MDGA2: variants seen among roughly 807,000 people sequenced by gnomAD.
The protein encoded by MDGA2 is MAM domain containing glycosylphosphatidylinositol anchor 2.
MDGA2 carries 40 observed loss-of-function variants against 117.8 expected under a neutral mutation model. The observed-to-expected ratio is 0.34, with a 90% CI of 0.26 to 0.44. The LOEUF is 0.44. MDGA2 is among the 20% of genes least tolerant of loss of function. The pLI, the probability that MDGA2 is intolerant of heterozygous loss-of-function variation, is 1.00. For synonymous variants in MDGA2, 452 were observed against 439.0 expected, an observed-to-expected ratio of 1.03 and a Z score of -0.37; for missense variants, 1,123 against 1,250.6, an observed-to-expected ratio of 0.90 and a Z score of 1.54.
chr14:47,037,766 A>T (rs1172432271), intron 7 of MDGA2, among the ~76,000 whole-genome samples: 3 of 152,214 alleles, frequency 2.0e-5, no homozygotes, highest in Non-Finnish European at 1.5e-5. Flanking sequence ...CAACCTCAAA[A>T]TAAATATCCA....
chr14:47,511,145 G>C (rs187631239), intron 1 of MDGA2, among the ~76,000 whole-genome samples: 1 of 152,038 alleles, frequency 6.6e-6, no homozygotes, highest in African/African-American at 2.4e-5. Context: ...TCAGATCTTG[G>C]GACAGTACCT....
At chr14:47,651,536 C>T (rs373884785) in intron 1 of MDGA2, among the ~76,000 whole-genome samples, 2 of 151,864 alleles carry the variant, frequency 1.3e-5, no homozygotes, top group East Asian at 1.9e-4. Flanking sequence ...AATGAGAAAC[C>T]ACTGAATGGC....
Position 47,412,620 on chromosome 14 carries a change from G to T in MDGA2, c.281-111070C>A, listed in dbSNP as rs531193834. Among the ~76,000 whole-genome samples the T allele has an allele frequency of 1.2e-4, 18 of 152,322 alleles. 1 individual carries two copies. The highest frequency in any genetic ancestry group is 4.3e-4 in the African/African-American group (18 of 41,580). On this transcript the variant is annotated intron_variant, in intron 1 of 16. Coordinates refer to ENST00000399232, the MANE Select transcript of MDGA2 (RefSeq NM_001113498.3). Reference sequence around the variant, plus strand: ...GTTGCAAAAATACTTTTGAAATGTTGTAGATTACAGATAATGTATAAATTC... The same window carrying T: ...GTTGCAAAAATACTTTTGAAATGTTTTAGATTACAGATAATGTATAAATTC...
chr14:47,144,815 A>ATTTT lies in MDGA2; in HGVS notation c.596-545_596-542dup, dbSNP rs60842690. Among the ~76,000 whole-genome samples the ATTTT allele has an allele frequency of 3.4e-4, 45 of 130,436 alleles. 2 individuals are homozygous for ATTTT. The highest frequency in any genetic ancestry group is 2.0e-3 in the East Asian group (9 of 4,438). 85.6% of individuals were successfully genotyped at this position (130,436 alleles called of 152,430 possible). A position where few individuals can be genotyped will look rare whatever the true frequency, so the allele number is the denominator to read the frequency against. ...AGGCATGTGCTACCATGCCCGGCTA[A>ATTTT]TTTTTTTTTTTTTTTGTACAGACAG... is the stretch of plus-strand genomic sequence containing the variant. On this transcript the variant is annotated intron_variant, in intron 3 of 16. Transcript: ENST00000399232.
chr14:47,163,522 C>T (rs752284563), intron 3 of MDGA2, among the ~76,000 whole-genome samples: 1 of 152,042 alleles, frequency 6.6e-6, no homozygotes, highest in Non-Finnish European at 1.5e-5. Flanking sequence ...CTCTTTTTGC[C>T]TGCCGCCATC....
chr14:47,543,671 G>A (rs975457391), intron 1 of MDGA2, among the ~76,000 whole-genome samples: 2 of 152,186 alleles, frequency 1.3e-5, no homozygotes, highest in Non-Finnish European at 2.9e-5. Flanking sequence ...GTTCACTCAT[G>A]CACCCTGCTA....
chr14:47,549,480 T>G (rs1023726961), intron 1 of MDGA2, among the ~76,000 whole-genome samples: 1 of 152,098 alleles, frequency 6.6e-6, no homozygotes, highest in Non-Finnish European at 1.5e-5. Flanking sequence ...TTCATCATTC[T>G]TTACTATCAG....
intron 5 of MDGA2, among the ~76,000 whole-genome samples, chr14:47,105,032 C>T (rs1032389766): frequency 8.5e-5 from 13 of 152,122 alleles, no homozygotes; most frequent in African/African-American, 3.1e-4. Context: ...GGCAGCCTTC[C>T]CTTGGTGTTT....
At chr14:46,993,831 T>G (rs1887185956) in intron 8 of MDGA2, among the ~76,000 whole-genome samples, 1 of 152,298 alleles carries the variant, frequency 6.6e-6, no homozygotes, top group African/African-American at 2.4e-5. Context: ...TTTATAAAAC[T>G]ATGTAGTATA....
intron 8 of MDGA2, among the ~76,000 whole-genome samples, chr14:46,992,875 T>C (rs1887143863): frequency 6.6e-6 from 1 of 152,190 alleles, no homozygotes; most frequent in African/African-American, 2.4e-5. Flanking sequence ...AGTTGATTAA[T>C]AGCATAGCAA....
At chr14:47,063,742 T>A (rs1889978934) in intron 6 of MDGA2, among the ~76,000 whole-genome samples, 1 of 151,870 alleles carries the variant, frequency 6.6e-6, no homozygotes, top group Admixed American at 6.6e-5. Context: ...AGTTTTATTA[T>A]TGCATATAAT....
At chr14:47,448,595 T>G (rs1447948979) in intron 1 of MDGA2, among the ~76,000 whole-genome samples, 6 of 152,176 alleles carry the variant, frequency 3.9e-5, no homozygotes, top group Middle Eastern at 3.2e-3. Flanking sequence ...TGGTGTACCC[T>G]AAGTTAGCAG....
chr14:47,176,133 G>C lies in MDGA2; in HGVS notation c.596-31859C>G, dbSNP rs565807858. On this transcript the variant is annotated intron_variant, in intron 3 of 16. Coordinates refer to ENST00000399232, the MANE Select transcript of MDGA2 (RefSeq NM_001113498.3). ...TCTTCAAAGAGAACTACAAACCACT[G>C]CTCAAGGAAATAAAAGAGGATACAA... Among the ~76,000 whole-genome samples the C allele has an allele frequency of 1.1e-4, 16 of 152,212 alleles. No individual in the cohort carries two copies. The South Asian group carries it at 3.3e-3, about 32-fold the overall frequency.
At chr14:47,199,376 G>A (rs1594716641) in intron 3 of MDGA2, among the ~76,000 whole-genome samples, 1 of 152,106 alleles carries the variant, frequency 6.6e-6, no homozygotes, top group East Asian at 1.9e-4. Context: ...AAATCATTAT[G>A]ACAAAGTAAG....
At chr14:47,470,678 G>A (rs747025418) in intron 1 of MDGA2, among the ~76,000 whole-genome samples, 2 of 152,082 alleles carry the variant, frequency 1.3e-5, no homozygotes, top group Non-Finnish European at 2.9e-5. Context: ...CTAGATCCTT[G>A]AGGAATAGCC....
At chr14:47,476,783 A>C (rs1395309414) in intron 1 of MDGA2, among the ~76,000 whole-genome samples, 1 of 152,242 alleles carries the variant, frequency 6.6e-6, no homozygotes, top group African/African-American at 2.4e-5. Flanking sequence ...ACTTTTGTAC[A>C]CAGTCAAATC....
intron 8 of MDGA2, among the ~76,000 whole-genome samples, chr14:46,967,169 T>C (rs1402404556): frequency 2.6e-5 from 4 of 152,306 alleles, no homozygotes; most frequent in Non-Finnish European, 4.4e-5. Context: ...TAAATATGCA[T>C]GGGCTGTCTT....
intron 5 of MDGA2, among the ~76,000 whole-genome samples, chr14:47,125,279 A>G (rs1236517658): frequency 1.3e-5 from 2 of 152,070 alleles, no homozygotes; most frequent in Non-Finnish European, 2.9e-5. Context: ...TTGTTTTTGT[A>G]TTTTGTTTCA....
chr14:47,058,689 T>G (rs1252939604), intron 7 of MDGA2: 1 of 985,222 alleles, frequency 1.0e-6, no homozygotes, highest in Non-Finnish European at 1.2e-6. Flanking sequence ...TATACTGCAT[T>G]CTAGTATTCC....
Sources: gnomAD v4.1 joint callset for allele counts (sites outside exome capture counted in the v4.1 genomes callset) on GRCh38, gnomAD v4.1.1 for gene constraint, MANE v1.5 for transcripts, NCBI Gene and HGNC (gene_info 2026-07-23, HGNC 2026-07-21) for gene names.